The following FAM234A variants were observed in gnomAD, a reference collection of about 807,000 sequenced individuals.
FAM234A encodes the protein family with sequence similarity 234 member A, also known as protein FAM234A.
A neutral mutation model predicts 49.1 loss-of-function variants in FAM234A; 42 were observed. The ratio of observed to expected loss-of-function variants is 0.86; its 90% CI spans 0.67 to 1.11. The LOEUF (loss-of-function observed/expected upper bound fraction) is 1.11. Among genes scored for constraint, FAM234A ranks in the 50% least tolerant of loss-of-function variants. The pLI is 0.00. For missense variants in FAM234A, 815 were observed against 745.2 expected (o/e 1.09, Z -1.09); for synonymous variants, 369 against 316.2 (o/e 1.17, Z -1.77).
chr16:255,454 G>C (rs2051194233), intron 3 of FAM234A, among the ~76,000 whole-genome samples: 1 of 152,166 alleles, frequency 6.6e-6, no homozygotes, highest in Non-Finnish European at 1.5e-5. Context: ...TGCAGCTGTG[G>C]TCCCAGCTAC....
chr16:264,784 C>T, intron 12 of FAM234A, 27 bp from the exon 13 acceptor site: 1 of 1,607,316 alleles, frequency 6.2e-7, no homozygotes, highest in Non-Finnish European at 8.5e-7. Flanking sequence ...CTGAGCCGCC[C>T]TGACAGCTGT....
chr16:238,774 A>G (rs548403704), intron 1 of FAM234A, among the ~76,000 whole-genome samples: 18 of 141,216 alleles, frequency 1.3e-4, no homozygotes, highest in Non-Finnish European at 2.6e-4. Flanking sequence ...TCAAAAAAAA[A>G]AAAAAAAAAA....
intron 4 of FAM234A, among the ~76,000 whole-genome samples, 155 bp from the exon 5 acceptor site, chr16:259,814 C>T (rs1257900137): frequency 1.3e-5 from 2 of 152,276 alleles, no homozygotes; most frequent in Middle Eastern, 3.4e-3. Context: ...ATTAGAGCCC[C>T]GGGAGCCTGC....
chr16:268,523 G>C (rs1229244713), downstream of FAM234A: 19 of 566,560 alleles, frequency 3.4e-5, no homozygotes, highest in Middle Eastern at 4.6e-4. Flanking sequence ...CACGAAGGAA[G>C]ACTTGGGCAG....
intron 1 of FAM234A, among the ~76,000 whole-genome samples, 167 bp downstream of exon 1, chr16:235,024 G>T (rs2050349361): frequency 6.6e-6 from 1 of 152,218 alleles, no homozygotes. Context: ...GTGCGGGCCG[G>T]GAGGCTGCGG....
intron 1 of FAM234A, among the ~76,000 whole-genome samples, chr16:244,030 G>T (rs1423969204): frequency 6.6e-6 from 1 of 151,288 alleles, no homozygotes; most frequent in Admixed American, 6.6e-5. Context: ...GTGCAGTGGT[G>T]CCATCTCGGC....
chr16:264,844 A>C lies in FAM234A; in HGVS notation c.1481A>C (p.Tyr494Ser). Residue 494 changes from tyrosine (Y) to serine (S), a missense_variant, in exon 13 of 13, where the codon TAC becomes TCC. Physicochemically the swap from Tyr to Ser is moderately radical, Grantham distance 144 (BLOSUM62 -2). Coordinates refer to ENST00000399932, the MANE Select transcript of FAM234A (RefSeq NM_032039.4). Reference sequence around the variant, plus strand: ...TTTGAGCCAAGCCGCCACGCCGCCTACATCCTTCTGACAGGCCCGGCAGAC... The same window carrying C: ...TTTGAGCCAAGCCGCCACGCCGCCTCCATCCTTCTGACAGGCCCGGCAGAC... ...VLFEPSRHAA[Y>S]ILLTGPADSE... 1 of 1,611,732 alleles carries C rather than the reference A, an allele frequency of 6.2e-7. No individual in the cohort carries two copies. The highest frequency in any genetic ancestry group is 8.5e-7 in the Non-Finnish European group (1 of 1,179,864).
chr16:254,411 G>C lies in FAM234A; in HGVS notation c.-3G>C, dbSNP rs757546056. ...AGGAGTTAAACTTTGGGATGTGCCC[G>C]TGATGTTGGACCACAAGGACTTAGA... On this transcript the variant is annotated 5_prime_UTR_variant, in exon 3 of 13. Coordinates refer to ENST00000399932, the MANE Select transcript of FAM234A (RefSeq NM_032039.4). 1 of 1,613,596 alleles carries C rather than the reference G, an allele frequency of 6.2e-7. No homozygotes were observed. The highest frequency in any genetic ancestry group is 1.7e-5 in the Admixed American group (1 of 59,916).
At chr16:249,203 TG>T (rs1245930840) in intron 1 of FAM234A, among the ~76,000 whole-genome samples, 2 of 151,804 alleles carry the variant, frequency 1.3e-5, no homozygotes, top group Non-Finnish European at 2.9e-5. Context: ...AGGCTGGCTG[TG>T]GGGGGATGCA....
At position 264,830 on chromosome 16, in the gene FAM234A, C is replaced by T. The variant is rs369789903; in HGVS notation, c.1467C>T (p.Ser489=). Residue 489 remains serine, a synonymous_variant, in exon 13 of 13, where the codon AGC becomes AGT. Coordinates refer to ENST00000399932, the MANE Select transcript of FAM234A (RefSeq NM_032039.4). ...CTGCAGCCGTCCTGTTTGAGCCAAG[C>T]CGCCACGCCGCCTACATCCTTCTGA... ...VAFDAVLFEP[S]RHAAYILLTG... The T allele has an allele frequency of 6.6e-5, 107 of 1,610,504 alleles. 1 individual carries two copies. In the East Asian group the frequency reaches 9.1e-4, roughly 14 times the overall value.
At chr16:253,064 TG>T (rs1235421035) in intron 2 of FAM234A, among the ~76,000 whole-genome samples, 1 of 152,250 alleles carries the variant, frequency 6.6e-6, no homozygotes, top group African/African-American at 2.4e-5. Context: ...AATGGAAGTT[TG>T]TTTTTTTCTC....
chr16:269,258 G>A, downstream of FAM234A: 1 of 1,532,528 alleles, frequency 6.5e-7, no homozygotes, highest in Non-Finnish European at 8.9e-7. Flanking sequence ...GTGGCAGATG[G>A]GCCAGGTCCA....
At chr16:237,086 T>C (rs530921094) in intron 1 of FAM234A, among the ~76,000 whole-genome samples, 6 of 151,016 alleles carry the variant, frequency 4.0e-5, no homozygotes, top group Middle Eastern at 3.4e-3. Flanking sequence ...TTTAAAAAAA[T>C]ATGTAGATGG....
chr16:261,574 C>T, intron 6 of FAM234A, 60 bp downstream of exon 6: 2 of 1,514,932 alleles, frequency 1.3e-6, no homozygotes, highest in South Asian at 1.2e-5. Context: ...CGGCCCTGCT[C>T]TACCTCCCCA....
downstream of FAM234A, chr16:268,618 T>TC: frequency 1.5e-6 from 1 of 679,464 alleles, no homozygotes; most frequent in Non-Finnish European, 2.5e-6. Flanking sequence ...TGTCTATAAA[T>TC]CGGGGGGGAG....
downstream of FAM234A, chr16:268,338 A>G (rs1195384133): frequency 4.1e-6 from 1 of 246,032 alleles, no homozygotes; most frequent in Non-Finnish European, 8.1e-6. Context: ...AGGGTCTTTT[A>G]TTTGTGTGCT....
intron 3 of FAM234A, among the ~76,000 whole-genome samples, chr16:255,783 C>T (rs774302469): frequency 2.0e-5 from 3 of 152,316 alleles, no homozygotes; most frequent in Non-Finnish European, 4.4e-5. Context: ...CCTGCCCCAG[C>T]CTCCCGAGTA....
chr16:260,350 G>A (rs1446449558), intron 5 of FAM234A, 190 bp downstream of exon 5: 2 of 618,936 alleles, frequency 3.2e-6, no homozygotes, highest in Non-Finnish European at 5.8e-6. Context: ...CGCCTCGGCT[G>A]CCTTCAGCTG....
chr16:251,524 G>A lies in FAM234A; in HGVS notation c.-34+1870G>A, dbSNP rs560372678. ...CGGGTAGCTGAGACCACGGGCGAGC[G>A]CCGCCATACCCAACTAATTTTTTTG... is the stretch of plus-strand genomic sequence containing the variant. On this transcript the variant is annotated intron_variant, in intron 2 of 12. Transcript: ENST00000399932. 9.9e-5 allele frequency among the ~76,000 whole-genome samples: 15 copies of A among 151,612 alleles called. No individual in the cohort carries two copies. The East Asian group carries it at 1.8e-3, about 18-fold the overall frequency.
Sources: allele counts gnomAD v4.1 joint callset (sites outside exome capture counted in the v4.1 genomes callset), GRCh38; gene constraint gnomAD v4.1.1; transcripts MANE v1.5; gene names NCBI Gene and HGNC (gene_info 2026-07-23, HGNC 2026-07-21).